Variants in PLD5 observed in about 807,000 individuals in gnomAD.
PLD5 encodes inactive phospholipase D5.
In PLD5, 36 loss-of-function variants were observed where a neutral mutation model predicts 61.1. The observed-to-expected ratio is 0.59, with a 90% CI of 0.45 to 0.78. The LOEUF (loss-of-function observed/expected upper bound fraction) is 0.78, where lower values mean the gene tolerates loss of function less well. Among genes scored for constraint, PLD5 ranks in the 30% least tolerant of loss-of-function variants. PLD5 has a pLI of 0.00. For missense variants in PLD5, 515 were observed against 644.4 expected (o/e 0.80, Z 2.17); for synonymous variants, 243 against 242.8 (o/e 1.00, Z -0.01).
At chr1:242,370,676 A>T (rs1215771194) in intron 1 of PLD5, among the ~76,000 whole-genome samples, 1 of 152,160 alleles carries the variant, frequency 6.6e-6, no homozygotes, top group Non-Finnish European at 1.5e-5. Context: ...GCTATTTTGA[A>T]TGTTAGTGAA....
rs1440919880 is a variant in PLD5 at position 242,439,299 on chromosome 1, TTA to T, written c.189+84787_189+84788del. ...GTCATTCGGAGACCGAGGCTGATGGTTATCTTTGCCATCTTCAACTCATGGCT... is the reference window on the plus strand; with the variant it reads ...GTCATTCGGAGACCGAGGCTGATGGTTCTTTGCCATCTTCAACTCATGGCT... On this transcript the variant is annotated intron_variant, in intron 1 of 9. Transcript: ENST00000536534. Among the ~76,000 whole-genome samples the T allele has an allele frequency of 3.9e-5, 6 of 152,268 alleles. No homozygotes were observed. The East Asian group carries it at 1.2e-3, about 29-fold the overall frequency.
At position 242,486,469 on chromosome 1, in the gene PLD5, A is replaced by C. The variant is rs538144878; in HGVS notation, c.189+37619T>G. ...AAAGACACATGAAAAAATGCTCATC[A>C]TCACTGGCCATCAGAGAAATGCAAA... On this transcript the variant is annotated intron_variant, in intron 1 of 9. Coordinates refer to ENST00000536534, the MANE Select transcript of PLD5 (RefSeq NM_001372062.1). 6.0e-3 allele frequency among the ~76,000 whole-genome samples: 906 copies of C among 152,266 alleles called. 6 individuals are homozygous for C. The highest frequency in any genetic ancestry group is 9.7e-3 in the Admixed American group (148 of 15,286).
At chr1:242,272,910 T>C (rs900141936) in intron 3 of PLD5, among the ~76,000 whole-genome samples, 8 of 152,042 alleles carry the variant, frequency 5.3e-5, no homozygotes, top group Non-Finnish European at 1.0e-4. Flanking sequence ...TTTTGTTTGT[T>C]TTTTTTTCTT....
chr1:242,520,272 T>C (rs1669237580), intron 1 of PLD5, among the ~76,000 whole-genome samples: 1 of 152,084 alleles, frequency 6.6e-6, no homozygotes, highest in Non-Finnish European at 1.5e-5. Flanking sequence ...GCAACCAAGA[T>C]GAGGATGGTC....
At chr1:242,492,018 T>C (rs1382308847) in intron 1 of PLD5, among the ~76,000 whole-genome samples, 1 of 152,238 alleles carries the variant, frequency 6.6e-6, no homozygotes, top group African/African-American at 2.4e-5. Flanking sequence ...CTTTTTTATC[T>C]GTATGAATGA....
At position 242,107,791 on chromosome 1, in the gene PLD5, T is replaced by C; in HGVS notation, c.1119A>G (p.Leu373=). The change falls in exon 8 of 10, where the codon TTA becomes TTG. Residue 373 remains leucine (L), a synonymous_variant. Transcript: ENST00000536534. ...AAAGGAGTCGAACTCTAACGCTTCG[T>C]AAAACTAATGCTTCTCTTATTTTTG... ...LDAKIREALV[L]RSVRVRLLLS... 6.2e-7 allele frequency: 1 copy of C among 1,611,982 alleles called. No individual in the cohort carries two copies. The highest frequency in any genetic ancestry group is 8.5e-7 in the Non-Finnish European group (1 of 1,179,458).
chr1:242,327,362 G>A (rs1352391726), intron 2 of PLD5, among the ~76,000 whole-genome samples: 1 of 152,076 alleles, frequency 6.6e-6, no homozygotes, highest in African/African-American at 2.4e-5. Flanking sequence ...CTCATTTGGT[G>A]GATTCCTTCA....
chr1:242,086,141 A>G lies in PLD5; in HGVS notation c.*3713T>C, dbSNP rs1453891659. On this transcript the variant is annotated 3_prime_UTR_variant, in exon 10 of 10. Transcript: ENST00000536534. ...TCCCCCACATTTTTCAAAGGGTGAG[A>G]TCAACCAAAAATGTGATCAGACCCC... The G allele has an allele frequency of 6.6e-6, 1 of 152,170 alleles. No individual in the cohort carries two copies. Among genetic ancestry groups the G allele is most frequent in the Non-Finnish European group, 1.5e-5 (1 of 68,050 alleles). The allele number at this position is 152,170 out of a possible 1,614,324, so 9.4% of individuals were successfully genotyped here.
intron 1 of PLD5, among the ~76,000 whole-genome samples, chr1:242,459,978 G>T (rs1222538998): frequency 6.6e-6 from 1 of 152,268 alleles, no homozygotes; most frequent in East Asian, 1.9e-4. Context: ...CAGTTGTCTA[G>T]CTTCATGTCC....
At chr1:242,183,765 G>A (rs938869424) in intron 5 of PLD5, among the ~76,000 whole-genome samples, 2 of 142,688 alleles carry the variant, frequency 1.4e-5, no homozygotes, top group African/African-American at 5.6e-5. Flanking sequence ...GTGGTGGCGG[G>A]CCCCTGTAGT....
intron 1 of PLD5, among the ~76,000 whole-genome samples, chr1:242,505,773 A>C (rs1260328371): frequency 6.6e-6 from 1 of 152,208 alleles, no homozygotes; most frequent in Non-Finnish European, 1.5e-5. Context: ...TTCTCACTGC[A>C]GTTATACTGC....
rs200515376 is a variant in PLD5 at position 242,396,668 on chromosome 1, CTTT to C, written c.190-48429_190-48427del. 4.0e-5 allele frequency among the ~76,000 whole-genome samples: 5 copies of C among 125,128 alleles called. 1 individual carries two copies. The highest frequency in any genetic ancestry group is 3.2e-4 in the Admixed American group (4 of 12,508). The allele number at this position is 125,128 out of a possible 152,430, so 82.1% of individuals were successfully genotyped here. On this transcript the variant is annotated intron_variant, in intron 1 of 9. Transcript: ENST00000536534. ...GCATGCTATTTTCTTTCTTTCTTTT[CTTT>C]TCTTTTTTTTTTTTTTTTTTGAGAC...
At chr1:242,232,329 G>A (rs1671361603) in intron 4 of PLD5, among the ~76,000 whole-genome samples, 1 of 152,152 alleles carries the variant, frequency 6.6e-6, no homozygotes. Context: ...AAAAAAATTT[G>A]TATATCTAGC....
chr1:242,324,357 T>C (rs1470207301), intron 2 of PLD5, among the ~76,000 whole-genome samples: 1 of 152,234 alleles, frequency 6.6e-6, no homozygotes, highest in Non-Finnish European at 1.5e-5. Flanking sequence ...CAAAAGTGAT[T>C]TCAATTACTT....
In PLD5 at chr1:242,277,113, G is replaced by A. The variant is rs374827170; in HGVS notation, c.495+11249C>T. On this transcript the variant is annotated intron_variant, in intron 3 of 9. Transcript: ENST00000536534. ...CTCGAGCGTCCACTCTGGCTGCAGA[G>A]GGGACAGACAACATTATCTTGGTAC... is the stretch of plus-strand genomic sequence containing the variant. 1.1e-4 allele frequency among the ~76,000 whole-genome samples: 17 copies of A among 152,226 alleles called. No individual in the cohort carries two copies. In the East Asian group the frequency reaches 3.1e-3, roughly 28 times the overall value.
At chr1:242,351,890 C>T (rs1422338698) in intron 1 of PLD5, among the ~76,000 whole-genome samples, 3 of 152,132 alleles carry the variant, frequency 2.0e-5, no homozygotes, top group East Asian at 1.9e-4. Context: ...ATTGTGTATT[C>T]GTCTTGCCAT....
intron 1 of PLD5, among the ~76,000 whole-genome samples, chr1:242,513,620 T>A (rs186140237): frequency 4.6e-5 from 7 of 152,336 alleles, no homozygotes; most frequent in Admixed American, 3.9e-4. Flanking sequence ...ATGCTGAATC[T>A]TCCGAAGTCT....
At chr1:242,280,457 C>G (rs1033113098) in intron 3 of PLD5, among the ~76,000 whole-genome samples, 1 of 152,094 alleles carries the variant, frequency 6.6e-6, no homozygotes, top group African/African-American at 2.4e-5. Context: ...TTATTTTTCC[C>G]TATGTCCTCA....
intron 1 of PLD5, among the ~76,000 whole-genome samples, chr1:242,441,393 A>C (rs1666267809): frequency 6.6e-6 from 1 of 152,068 alleles, no homozygotes; most frequent in Non-Finnish European, 1.5e-5. Flanking sequence ...TAAAACCAAC[A>C]GTTATTAGCC....
Sources: gnomAD v4.1 joint callset for allele counts (sites outside exome capture counted in the v4.1 genomes callset) on GRCh38, gnomAD v4.1.1 for gene constraint, MANE v1.5 for transcripts, NCBI Gene and HGNC (gene_info 2026-07-23, HGNC 2026-07-21) for gene names.